ANO2: variants seen among roughly 807,000 people sequenced by gnomAD.
The protein encoded by ANO2 is anoctamin 2.
A neutral mutation model predicts 124.2 loss-of-function variants in ANO2; 101 were observed. That is an observed-to-expected ratio of 0.81 (90% confidence interval 0.69 to 0.96). The LOEUF is 0.96. Ranked by LOEUF, ANO2 falls within the 40% of genes least tolerant of loss-of-function variation. The pLI is 0.00. For missense variants in ANO2, 1,293 were observed against 1,274.5 expected (o/e 1.01, Z -0.22); for synonymous variants, 486 against 482.5 (o/e 1.01, Z -0.09).
chr12:5,613,068 T>A (rs2136906602), intron 17 of ANO2, 110 bp from the exon 18 acceptor site: 4 of 1,088,804 alleles, frequency 3.7e-6, no homozygotes, highest in Non-Finnish European at 5.6e-6. Flanking sequence ...TCGAAAGCAC[T>A]GGTCAGGGCG....
chr12:5,877,801 G>A (rs765868380), intron 3 of ANO2, among the ~76,000 whole-genome samples: 1 of 152,136 alleles, frequency 6.6e-6, no homozygotes, highest in Non-Finnish European at 1.5e-5. Context: ...CATAAGGAAC[G>A]CACAACCTAG....
At chr12:5,714,817 T>C (rs1949956523) in intron 14 of ANO2, among the ~76,000 whole-genome samples, 1 of 152,224 alleles carries the variant, frequency 6.6e-6, no homozygotes, top group African/African-American at 2.4e-5. Context: ...TCCTAAACTA[T>C]ATACAACCGG....
chr12:5,700,768 G>A (rs576067567), intron 14 of ANO2, among the ~76,000 whole-genome samples: 2 of 152,142 alleles, frequency 1.3e-5, no homozygotes, highest in South Asian at 4.2e-4. Context: ...TCAGACTGCT[G>A]GCCTCAAGTG....
chr12:5,674,558 T>G (rs2136991947), intron 14 of ANO2, among the ~76,000 whole-genome samples: 1 of 152,322 alleles, frequency 6.6e-6, no homozygotes, highest in African/African-American at 2.4e-5. Context: ...GTCACAGCCT[T>G]CTATCGGCTG....
At chr12:5,851,501 A>G (rs1347517965) in intron 4 of ANO2, among the ~76,000 whole-genome samples, 2 of 152,092 alleles carry the variant, frequency 1.3e-5, no homozygotes, top group Admixed American at 1.3e-4. Context: ...GCTGGCCAAC[A>G]TGGAGAAACC....
At position 5,658,687 on chromosome 12, in the gene ANO2, AATC is replaced by A. The variant is rs776406851; in HGVS notation, c.1546-10889_1546-10887del. ...ATCATCAACATCATTATCATCATTA[AATC>A]ATCATCAGCATCAATATTATCATTG... On this transcript the variant is annotated intron_variant, in intron 14 of 24. Transcript: ENST00000682330. The surrounding 1 kb of genome is among the most constrained non-coding windows in gnomAD (Gnocchi z 4.3). Among the ~76,000 whole-genome samples the A allele has an allele frequency of 6.9e-4, 104 of 151,646 alleles. No individual in the cohort carries two copies. Among genetic ancestry groups the A allele is most frequent in the Non-Finnish European group, 1.0e-3 (69 of 67,704 alleles).
chr12:5,801,241 A>G (rs928831809), intron 9 of ANO2, among the ~76,000 whole-genome samples: 2 of 152,232 alleles, frequency 1.3e-5, no homozygotes, highest in Non-Finnish European at 2.9e-5. Context: ...CAGCAACTTT[A>G]GCAGGACTAA....
rs1234845642 is a variant in ANO2, at chr12:5,900,958, T to C, written c.534+20082A>G. Among the ~76,000 whole-genome samples the C allele has an allele frequency of 6.6e-6, 1 of 152,188 alleles. No homozygotes were observed. Among genetic ancestry groups the C allele is most frequent in the Non-Finnish European group, 1.5e-5 (1 of 68,022 alleles). On this transcript the variant is annotated intron_variant, in intron 3 of 24. Transcript: ENST00000682330. The surrounding 1 kb of genome is among the most constrained non-coding windows in gnomAD (Gnocchi z 4.2). ...TTGATGGCTTTTTGTATTCATCAAT[T>C]CAGACGTTCTCCTGGGGAGGGCCTT...
Position 5,671,515 on chromosome 12 carries a change from G to A in ANO2, c.1546-23714C>T, listed in dbSNP as rs1408867507. On this transcript the variant is annotated intron_variant, in intron 14 of 24. Transcript: ENST00000682330. ...GTGGGGGGTGGCGGGGGGGAGTGGC[G>A]TGTGTGTGTGAGTGTGTGTGTGTGC... 2.6e-5 allele frequency among the ~76,000 whole-genome samples: 4 copies of A among 151,900 alleles called. No individual in the cohort carries two copies. In the East Asian group the frequency reaches 5.8e-4, roughly 22 times the overall value.
At chr12:5,827,652 C>T (rs906164602) in intron 7 of ANO2, 117 bp downstream of exon 7, 492 of 1,239,560 alleles carry the variant, frequency 4.0e-4, no homozygotes, top group Non-Finnish European at 5.1e-4. Context: ...GCAGCCTCTC[C>T]GTGGGGGGCA....
intron 4 of ANO2, among the ~76,000 whole-genome samples, chr12:5,836,270 T>A (rs193203976): frequency 6.6e-5 from 10 of 152,328 alleles, no homozygotes; most frequent in Admixed American, 6.5e-4. Context: ...AAACAATGAA[T>A]AATCTTTAGC....
At chr12:5,933,583 T>C (rs555613540) in intron 1 of ANO2, among the ~76,000 whole-genome samples, 2 of 152,226 alleles carry the variant, frequency 1.3e-5, no homozygotes, top group Non-Finnish European at 2.9e-5. Flanking sequence ...ACGTACCCTT[T>C]ATAAAATTCA....
chr12:5,600,321 C>T (rs1013308904), intron 19 of ANO2, among the ~76,000 whole-genome samples: 5 of 152,206 alleles, frequency 3.3e-5, no homozygotes, highest in African/African-American at 1.2e-4. Context: ...GAAGAGCCCT[C>T]ATCAGAAATT....
At chr12:5,786,683 C>T (rs1952550495) in intron 10 of ANO2, among the ~76,000 whole-genome samples, 2 of 152,178 alleles carry the variant, frequency 1.3e-5, no homozygotes, top group East Asian at 3.9e-4. Flanking sequence ...TTCTCCGCCT[C>T]CCCACCACCT....
chr12:5,763,088 A>G (rs1481925457), intron 10 of ANO2, among the ~76,000 whole-genome samples: 1 of 152,042 alleles, frequency 6.6e-6, no homozygotes, highest in Non-Finnish European at 1.5e-5. Flanking sequence ...CTTTTGTTAT[A>G]TTGACAAACA....
In ANO2 at chr12:5,592,774, G is replaced by C. The variant is rs573225929; in HGVS notation, c.2233+6710C>G. ...ATCCAAAATTCTCAGTAGAGGCAAA[G>C]TCAGCGAGGTAAGTATCCACAAATA... On this transcript the variant is annotated intron_variant, in intron 20 of 24. Transcript: ENST00000682330. Among the ~76,000 whole-genome samples the C allele has an allele frequency of 3.3e-5, 5 of 152,300 alleles. No individual in the cohort carries two copies. In the East Asian group the frequency reaches 9.7e-4, roughly 29 times the overall value.
intron 14 of ANO2, among the ~76,000 whole-genome samples, chr12:5,690,798 T>G (rs1204502166): frequency 2.0e-5 from 3 of 152,112 alleles, no homozygotes; most frequent in Non-Finnish European, 1.5e-5. Flanking sequence ...ACATTTAGAA[T>G]GTCACCCCAT....
At chr12:5,750,062 C>T (rs2037599878) in intron 11 of ANO2, among the ~76,000 whole-genome samples, 1 of 152,046 alleles carries the variant, frequency 6.6e-6, no homozygotes, top group South Asian at 2.1e-4. Context: ...TCCCAATTAG[C>T]TGGGACTACA....
intron 3 of ANO2, among the ~76,000 whole-genome samples, chr12:5,878,648 A>G (rs1938277387): frequency 6.6e-6 from 1 of 152,238 alleles, no homozygotes; most frequent in African/African-American, 2.4e-5. Context: ...ATAGTACCCA[A>G]TACCAATAAA....
Sources: gnomAD v4.1 joint callset for allele counts (sites outside exome capture counted in the v4.1 genomes callset) on GRCh38, gnomAD v4.1.1 for gene constraint, Gnocchi (gnomAD v3.1) non-coding constraint, MANE v1.5 for transcripts, NCBI Gene and HGNC (gene_info 2026-07-23, HGNC 2026-07-21) for gene names.